MYO5A: variants seen among roughly 807,000 people sequenced by gnomAD.
MYO5A encodes myosin VA.
In MYO5A, 98 loss-of-function variants were observed where a neutral mutation model predicts 249.7. The ratio of observed to expected loss-of-function variants is 0.39; its 90% CI spans 0.33 to 0.46. The LOEUF (loss-of-function observed/expected upper bound fraction) is 0.46, where lower values mean the gene tolerates loss of function less well. Ranked by LOEUF, MYO5A falls within the 20% of genes least tolerant of loss-of-function variation. The pLI is 0.98. For missense variants in MYO5A, 1,696 were observed against 2,308.8 expected (o/e 0.73, Z 5.44); for synonymous variants, 778 against 810.6 (o/e 0.96, Z 0.68).
intron 22 of MYO5A, among the ~76,000 whole-genome samples, chr15:52,369,078 T>C (rs1391532138): frequency 6.6e-6 from 1 of 152,226 alleles, no homozygotes; most frequent in African/African-American, 2.4e-5. Context: ...ATCTCACCTT[T>C]TGGCACTGCT....
intron 34 of MYO5A, among the ~76,000 whole-genome samples, chr15:52,332,203 A>G (rs943726225): frequency 1.4e-4 from 21 of 152,252 alleles, no homozygotes; most frequent in South Asian, 1.0e-3. Context: ...TAGGTTTATC[A>G]ATAAATGCAC....
chr15:52,479,337 C>A (rs1429898449), intron 1 of MYO5A, among the ~76,000 whole-genome samples: 1 of 152,068 alleles, frequency 6.6e-6, no homozygotes, highest in East Asian at 1.9e-4. Context: ...ATAAAATAGA[C>A]TAGTATTTAC....
At chr15:52,357,082 A>C in intron 25 of MYO5A, among the ~76,000 whole-genome samples, 1 of 152,234 alleles carries the variant, frequency 6.6e-6, no homozygotes, top group African/African-American at 2.4e-5. Flanking sequence ...AGCAGAACAG[A>C]TATAACATCT....
At chr15:52,413,448 T>A (rs2043337201) in intron 5 of MYO5A, among the ~76,000 whole-genome samples, 1 of 152,194 alleles carries the variant, frequency 6.6e-6, no homozygotes, top group Non-Finnish European at 1.5e-5. Flanking sequence ...ATGTTGAGAA[T>A]GAGGAGCTTC....
chr15:52,314,849 A>G (rs2140908352), intron 40 of MYO5A, among the ~76,000 whole-genome samples: 1 of 152,338 alleles, frequency 6.6e-6, no homozygotes, highest in African/African-American at 2.4e-5. Context: ...TATAAGGTAG[A>G]TATTTCCATT....
chr15:52,480,803 A>G (rs2076700157), intron 1 of MYO5A, among the ~76,000 whole-genome samples: 2 of 152,336 alleles, frequency 1.3e-5, no homozygotes, highest in Admixed American at 1.3e-4. Context: ...TGCCTCCAGC[A>G]CAGTCAAAAT....
intron 30 of MYO5A, among the ~76,000 whole-genome samples, chr15:52,345,684 T>C (rs1270805033): frequency 6.6e-6 from 1 of 152,210 alleles, no homozygotes; most frequent in African/African-American, 2.4e-5. Flanking sequence ...CCTCCATTGG[T>C]TGACTCCACA....
At chr15:52,429,646 G>A (rs572917287) in intron 2 of MYO5A, among the ~76,000 whole-genome samples, 4 of 152,100 alleles carry the variant, frequency 2.6e-5, no homozygotes, top group Non-Finnish European at 5.9e-5. Context: ...CCAAGATCAC[G>A]CTACTGAACT....
chr15:52,404,822 C>T (rs1219827857), intron 9 of MYO5A, among the ~76,000 whole-genome samples: 1 of 151,994 alleles, frequency 6.6e-6, no homozygotes, highest in Admixed American at 6.6e-5. Flanking sequence ...GAAAGAAGCT[C>T]AATAGGAAGT....
chr15:52,505,190 T>C, intron 1 of MYO5A: 1 of 764,544 alleles, frequency 1.3e-6, no homozygotes. Flanking sequence ...GCCAAAGCCA[T>C]GGGTTTTGGA....
intron 1 of MYO5A, chr15:52,505,288 G>A: frequency 1.3e-6 from 1 of 776,740 alleles, no homozygotes. Context: ...ATCACAAGCA[G>A]ATGTGGCAGT....
rs375520606 is a variant in MYO5A, at chr15:52,336,493, C to T, written c.4378G>A (p.Val1460Ile). 5 of 1,605,224 alleles carry T rather than the reference C, an allele frequency of 3.1e-6. No individual in the cohort carries two copies. The highest frequency in any genetic ancestry group is 4.3e-6 in the Non-Finnish European group (5 of 1,174,370). ...AGTTCGCCAATTTTTTTGGCAAATA[C>T]TTTCAGTTGTTTTTTCAGTTTACGG... ...TVRKLKKQLK[V>I]FAKKIGELEV... The change falls in exon 34 of 42, where the codon GTA becomes ATA. Residue 1460 changes from valine to isoleucine, a missense_variant. Val to Ile is a conservative substitution (Grantham distance 29, BLOSUM62 3). Transcript: ENST00000399233.
chr15:52,482,823 G>A (rs1374343927), intron 1 of MYO5A, among the ~76,000 whole-genome samples: 2 of 152,082 alleles, frequency 1.3e-5, no homozygotes, highest in Non-Finnish European at 2.9e-5. Flanking sequence ...GCCCTAAATA[G>A]TGACTCTATC....
At chr15:52,464,203 C>T (rs967983226) in intron 1 of MYO5A, among the ~76,000 whole-genome samples, 2 of 152,182 alleles carry the variant, frequency 1.3e-5, no homozygotes, top group Non-Finnish European at 2.9e-5. Context: ...TCAGGTACCT[C>T]ATTGTGCTGC....
At chr15:52,432,844 C>T (rs923709493) in intron 2 of MYO5A, among the ~76,000 whole-genome samples, 1 of 152,148 alleles carries the variant, frequency 6.6e-6, no homozygotes, top group African/African-American at 2.4e-5. Context: ...GGCACCATGC[C>T]TCTTTTTAAA....
chr15:52,489,788 C>T (rs985553878), intron 1 of MYO5A, among the ~76,000 whole-genome samples: 1 of 152,134 alleles, frequency 6.6e-6, no homozygotes, highest in Non-Finnish European at 1.5e-5. Flanking sequence ...CCCAGGAGTT[C>T]AAGACTAGCC....
intron 16 of MYO5A, 142 bp from the exon 17 acceptor site, chr15:52,380,050 G>C (rs1294361889): frequency 3.7e-6 from 3 of 808,560 alleles, no homozygotes; most frequent in Non-Finnish European, 6.2e-6. Context: ...TCGGAGCAGT[G>C]ATCAAAATGG....
intron 34 of MYO5A, among the ~76,000 whole-genome samples, chr15:52,335,640 T>A (rs2039083998): frequency 6.6e-6 from 1 of 152,128 alleles, no homozygotes; most frequent in Non-Finnish European, 1.5e-5. Flanking sequence ...AAGATCCATT[T>A]GTATATAAAT....
At chr15:52,510,193 G>A (rs769480826) in intron 1 of MYO5A, among the ~76,000 whole-genome samples, 17 of 152,068 alleles carry the variant, frequency 1.1e-4, no homozygotes, top group Non-Finnish European at 2.2e-4. Flanking sequence ...TCAAATCTAC[G>A]CAATTTCAAA....
Sources: allele counts gnomAD v4.1 joint callset (sites outside exome capture counted in the v4.1 genomes callset), GRCh38; gene constraint gnomAD v4.1.1; transcripts MANE v1.5; gene names NCBI Gene and HGNC (gene_info 2026-07-23, HGNC 2026-07-21).